Variants in FAM193A observed in about 807,000 individuals in gnomAD.
FAM193A encodes the protein family with sequence similarity 193 member A.
In FAM193A, 22 loss-of-function variants were observed where a neutral mutation model predicts 126.5. The ratio of observed to expected loss-of-function variants is 0.17; its 90% CI spans 0.12 to 0.25. FAM193A has a LOEUF of 0.25. Among genes scored for constraint, FAM193A ranks in the 10% least tolerant of loss-of-function variants. FAM193A has a pLI of 1.00. For synonymous variants in FAM193A, 761 were observed against 646.8 expected, an observed-to-expected ratio of 1.18 and a Z score of -2.68; for missense variants, 1,675 against 1,672.8, an observed-to-expected ratio of 1.00 and a Z score of -0.02.
chr4:2,658,585 T>C (rs995071946), intron 8 of FAM193A, among the ~76,000 whole-genome samples: 2 of 152,164 alleles, frequency 1.3e-5, no homozygotes, highest in African/African-American at 2.4e-5. Flanking sequence ...TCCAACTTCA[T>C]TGGTCTTTCT....
chr4:2,545,887 C>T (rs915011915), intron 1 of FAM193A, among the ~76,000 whole-genome samples: 1 of 152,126 alleles, frequency 6.6e-6, no homozygotes, highest in African/African-American at 2.4e-5. Flanking sequence ...CGGTGGCTCA[C>T]GCCTGTTATC....
Position 2,727,774 on chromosome 4 carries a change from C to G in FAM193A, c.4455-4001C>G, listed in dbSNP as rs1051285816. Among the ~76,000 whole-genome samples the G allele has an allele frequency of 5.3e-5, 8 of 152,170 alleles. No homozygotes were observed. In the East Asian group the frequency reaches 9.6e-4, roughly 18 times the overall value. ...TTACTGAAGACAGCTACTCCGCAGC[C>G]CACAGATGGTGCCAGTGGGGCAGAG... On this transcript the variant is annotated intron_variant, in intron 20 of 20. Coordinates refer to ENST00000637812, the MANE Select transcript of FAM193A (RefSeq NM_001366318.2).
intron 19 of FAM193A, among the ~76,000 whole-genome samples, chr4:2,706,781 A>G (rs1718358693): frequency 1.3e-5 from 2 of 150,706 alleles, no homozygotes; most frequent in Admixed American, 1.3e-4. Flanking sequence ...AGGCTATTTC[A>G]TGTTTGTAGT....
intron 1 of FAM193A, among the ~76,000 whole-genome samples, chr4:2,564,991 G>T (rs1488392535): frequency 6.6e-6 from 1 of 152,014 alleles, no homozygotes; most frequent in Non-Finnish European, 1.5e-5. Context: ...AGAGCCAGGG[G>T]TCTTGCTGTG....
chr4:2,722,914 T>C (rs1449256077), intron 20 of FAM193A, among the ~76,000 whole-genome samples: 2 of 152,158 alleles, frequency 1.3e-5, no homozygotes, highest in African/African-American at 4.8e-5. Context: ...TCTCAAACCT[T>C]CCAGAGTGCT....
intron 2 of FAM193A, among the ~76,000 whole-genome samples, chr4:2,614,934 CCCT>C (rs953741849): frequency 6.6e-6 from 1 of 152,174 alleles, no homozygotes; most frequent in Non-Finnish European, 1.5e-5. Context: ...GTGATTGCTT[CCCT>C]CCTCTTTTTA....
At chr4:2,552,696 C>G (rs920682935) in intron 1 of FAM193A, among the ~76,000 whole-genome samples, 1 of 151,766 alleles carries the variant, frequency 6.6e-6, no homozygotes, top group African/African-American at 2.4e-5. Context: ...CACCACCATT[C>G]CTGGCTAATT....
At chr4:2,693,478 G>T in intron 15 of FAM193A, 108 bp from the exon 16 acceptor site, 1 of 1,036,572 alleles carries the variant, frequency 9.6e-7, no homozygotes, top group Non-Finnish European at 1.4e-6. Flanking sequence ...TGAAGATGAA[G>T]CAAGGTGAAG....
At chr4:2,722,510 A>G (rs547492208) in intron 20 of FAM193A, among the ~76,000 whole-genome samples, 2 of 152,320 alleles carry the variant, frequency 1.3e-5, no homozygotes, top group African/African-American at 2.4e-5. Context: ...AGGGTCACAC[A>G]TGCACTAATG....
chr4:2,575,758 G>T (rs1429147094), intron 1 of FAM193A, among the ~76,000 whole-genome samples: 1 of 151,986 alleles, frequency 6.6e-6, no homozygotes, highest in Non-Finnish European at 1.5e-5. Context: ...GAGCCATCGC[G>T]CCCGGCGAGA....
chr4:2,610,954 C>T (rs1211222997), intron 2 of FAM193A, among the ~76,000 whole-genome samples: 1 of 152,116 alleles, frequency 6.6e-6, no homozygotes, highest in Non-Finnish European at 1.5e-5. Context: ...TCAGGCTGGT[C>T]TCAAACTTAC....
At chr4:2,731,625 AC>A in intron 20 of FAM193A, 149 bp from the exon 21 acceptor site, 2 of 615,686 alleles carry the variant, frequency 3.2e-6, no homozygotes, top group Non-Finnish European at 5.8e-6. Flanking sequence ...CCTGGAGGGG[AC>A]CCTTGACACT....
At chr4:2,577,352 T>C (rs1739646369) in intron 1 of FAM193A, among the ~76,000 whole-genome samples, 1 of 152,020 alleles carries the variant, frequency 6.6e-6, no homozygotes, top group African/African-American at 2.4e-5. Context: ...TCGTCATTGG[T>C]CTAGGTTTAA....
At chr4:2,700,681 C>A (rs991249640) in intron 19 of FAM193A, 137 bp downstream of exon 19, 2 of 1,080,776 alleles carry the variant, frequency 1.9e-6, no homozygotes, top group Admixed American at 5.3e-5. Context: ...CGTAGAGGGG[C>A]CAGGCATGGT....
intron 1 of FAM193A, among the ~76,000 whole-genome samples, chr4:2,564,021 C>T (rs1490540590): frequency 1.3e-5 from 2 of 152,150 alleles, no homozygotes; most frequent in African/African-American, 2.4e-5. Flanking sequence ...GCAGAAGCAG[C>T]TGTAGTTTTC....
intron 2 of FAM193A, among the ~76,000 whole-genome samples, chr4:2,610,631 C>G (rs761598028): frequency 6.6e-6 from 1 of 152,164 alleles, no homozygotes; most frequent in Non-Finnish European, 1.5e-5. Context: ...GGGTAATAAT[C>G]CATTGTATGG....
In FAM193A at chr4:2,663,201, G is replaced by A. The variant is rs145567979; in HGVS notation, c.1992G>A (p.Pro664=). Residue 664 remains proline (P), a synonymous_variant, in exon 12 of 21, where the codon CCG becomes CCA. Transcript: ENST00000637812. Reference sequence around the variant, plus strand: ...GTAGTGGGGAGCCCCCAGGGGCCCCGAAGGAAGATGGAGTGCTGGGAAGCA... The same window carrying A: ...GTAGTGGGGAGCCCCCAGGGGCCCCAAAGGAAGATGGAGTGCTGGGAAGCA... ...GESSGEPPGA[P]KEDGVLGSRS... 71 of 1,614,162 alleles carry A rather than the reference G, an allele frequency of 4.4e-5. No individual in the cohort carries two copies. In the African/African-American group the frequency reaches 4.5e-4, roughly 10 times the overall value.
chr4:2,657,148 A>G (rs1711795192), intron 7 of FAM193A, among the ~76,000 whole-genome samples: 1 of 152,220 alleles, frequency 6.6e-6, no homozygotes, highest in Non-Finnish European at 1.5e-5. Flanking sequence ...AGCTTGGGTG[A>G]TATAGCGAGA....
chr4:2,715,940 G>A, intron 19 of FAM193A, 83 bp from the exon 20 acceptor site: 1 of 844,568 alleles, frequency 1.2e-6, no homozygotes, highest in Non-Finnish European at 2.0e-6. Flanking sequence ...TGTTTAAATT[G>A]AGCGAAGACA....
Sources: allele counts gnomAD v4.1 joint callset (sites outside exome capture counted in the v4.1 genomes callset), GRCh38; gene constraint gnomAD v4.1.1; transcripts MANE v1.5; gene names NCBI Gene and HGNC (gene_info 2026-07-23, HGNC 2026-07-21).